Variants in INTS2 observed in about 807,000 individuals in gnomAD.
INTS2 encodes KIAA1287.
Under a neutral mutation model 139.6 loss-of-function variants are expected in INTS2, and 57 were observed. The observed-to-expected ratio is 0.41, with a 90% CI of 0.33 to 0.51. INTS2 has a LOEUF of 0.51. Among genes scored for constraint, INTS2 ranks in the 20% least tolerant of loss-of-function variants. The probability of loss-of-function intolerance (pLI) is 0.28; values close to 1 mark genes in which losing one functional copy is unlikely to be tolerated. For missense variants in INTS2, 1,196 were observed against 1,436.7 expected (o/e 0.83, Z 2.71); for synonymous variants, 473 against 493.4 (o/e 0.96, Z 0.55).
chr17:61,888,199 T>C (rs148009651), intron 15 of INTS2, among the ~76,000 whole-genome samples: 3 of 151,938 alleles, frequency 2.0e-5, no homozygotes, highest in African/African-American at 7.2e-5. Flanking sequence ...GCAAATCCCA[T>C]CTCTACAAAA....
At chr17:61,918,365 C>A (rs1257899033) in intron 5 of INTS2, among the ~76,000 whole-genome samples, 1 of 152,164 alleles carries the variant, frequency 6.6e-6, no homozygotes, top group African/African-American at 2.4e-5. Flanking sequence ...TCTCAGCCTC[C>A]TGAGTAGCTG....
chr17:61,880,072 C>G (rs1252871329), intron 17 of INTS2, among the ~76,000 whole-genome samples: 1 of 152,076 alleles, frequency 6.6e-6, no homozygotes, highest in African/African-American at 2.4e-5. Context: ...GACATGGAGT[C>G]TCGCTTTGTC....
In INTS2 at chr17:61,915,546, C is replaced by T. The variant is rs181509402; in HGVS notation, c.650-3476G>A. On this transcript the variant is annotated intron_variant, in intron 5 of 24. Coordinates refer to ENST00000251334, the MANE Select transcript of INTS2 (RefSeq NM_001351695.2). Reference sequence around the variant, plus strand: ...GTTTCAAAAAAAAAAAGTCCGGGCGCGGTGGCTCACGCCTGCAATCCCAGC... The same window carrying T: ...GTTTCAAAAAAAAAAAGTCCGGGCGTGGTGGCTCACGCCTGCAATCCCAGC... Among the ~76,000 whole-genome samples, 18 of 146,998 alleles carry T rather than the reference C, an allele frequency of 1.2e-4. No individual in the cohort carries two copies. The East Asian group carries it at 2.6e-3, about 21-fold the overall frequency.
At chr17:61,878,824 C>T (rs952185856) in intron 17 of INTS2, among the ~76,000 whole-genome samples, 50 of 145,286 alleles carry the variant, frequency 3.4e-4, no homozygotes, top group African/African-American at 1.1e-3. Flanking sequence ...CCTGTAATAC[C>T]AGGTACTCGA....
rs72843756 is a variant in INTS2, at chr17:61,900,323, C to T, written c.1308-2584G>A. Among the ~76,000 whole-genome samples the T allele has an allele frequency of 8.6e-3, 1,304 of 152,316 alleles. 9 individuals carry two copies. The highest frequency in any genetic ancestry group is 0.012 in the South Asian group (60 of 4,828). On this transcript the variant is annotated intron_variant, in intron 9 of 24. Transcript: ENST00000251334. ...TAAGTAGTAGACCTCCAAATCACCT[C>T]CTGCATTCTGCACAACTAGAAGAAT...
chr17:61,922,509 A>ATATATAT (rs2079654159), intron 3 of INTS2, among the ~76,000 whole-genome samples: 1 of 49,066 alleles, frequency 2.0e-5, no homozygotes, highest in African/African-American at 6.4e-5. Flanking sequence ...AAAACAAACA[A>ATATATAT]ACATATATAT....
At position 61,909,816 on chromosome 17, in the gene INTS2, T is replaced by TATATAC. The variant is rs796256471; in HGVS notation, c.954+1703_954+1704insGTATAT. Among the ~76,000 whole-genome samples the TATATAC allele has an allele frequency of 0.2, 19,980 of 98,274 alleles. 1,738 individuals carry two copies. Among genetic ancestry groups the TATATAC allele is most frequent in the East Asian group, 0.56 (2,486 of 4,428 alleles). The allele number at this position is 98,274 out of a possible 152,430, so 64.5% of individuals were successfully genotyped here. ...ATACATATATACGTGTGTGTGTACA[T>TATATAC]GTGTGTATGTGTGTGTGTGTGTGTG... On this transcript the variant is annotated intron_variant, in intron 7 of 24. Transcript: ENST00000251334. This position sits in a 1 kb window ranked among gnomAD's most constrained non-coding sequence, Gnocchi z 4.9.
chr17:61,876,435 G>A lies in INTS2; in HGVS notation c.2457-1397C>T, dbSNP rs1603372757. Among the ~76,000 whole-genome samples the A allele has an allele frequency of 6.6e-6, 1 of 150,822 alleles. No homozygotes were observed. Among genetic ancestry groups the A allele is most frequent in the East Asian group, 1.9e-4 (1 of 5,174 alleles). Reference sequence around the variant, plus strand: ...ACATGAAGACAGAAAGCTCTGAAAGGAATGTCTCCAAGAAAAAAAAAATAG... The same window carrying A: ...ACATGAAGACAGAAAGCTCTGAAAGAAATGTCTCCAAGAAAAAAAAAATAG... On this transcript the variant is annotated intron_variant, in intron 18 of 24. Transcript: ENST00000251334. The surrounding 1 kb of genome is among the most constrained non-coding windows in gnomAD (Gnocchi z 4.1).
At chr17:61,919,664 C>T (rs560161654) in intron 4 of INTS2, among the ~76,000 whole-genome samples, 151 bp from the exon 5 acceptor site, 1 of 152,318 alleles carries the variant, frequency 6.6e-6, no homozygotes, top group South Asian at 2.1e-4. Flanking sequence ...CCAGCCTCAG[C>T]CTCCCAAAGT....
At chr17:61,916,197 G>A (rs934337981) in intron 5 of INTS2, among the ~76,000 whole-genome samples, 1 of 152,122 alleles carries the variant, frequency 6.6e-6, no homozygotes, top group African/African-American at 2.4e-5. Context: ...CACTTTGGTA[G>A]GCTGAGGCGG....
intron 5 of INTS2, among the ~76,000 whole-genome samples, chr17:61,916,167 G>A (rs1389635494): frequency 1.3e-5 from 2 of 152,132 alleles, no homozygotes; most frequent in African/African-American, 4.8e-5. Flanking sequence ...AGGCACGGTG[G>A]CTCACACCTG....
Position 61,911,648 on chromosome 17 carries a change from C to A in INTS2, c.826G>T (p.Asp276Tyr). ...TCACAAGCTTCATTTTTAGTATGAT[C>A]CAATGTCAAAGCCACACCAAGGCCT... ...LPGLGVALTL[D>Y]HTKNEACEDG... The change falls in exon 7 of 25, where the codon GAT becomes TAT. Residue 276 changes from aspartate (D) to tyrosine (Y), a missense_variant. Transcript: ENST00000251334. 1 of 1,613,806 alleles carries A rather than the reference C, an allele frequency of 6.2e-7. No individual in the cohort carries two copies. Among genetic ancestry groups the A allele is most frequent in the Non-Finnish European group, 8.5e-7 (1 of 1,179,804 alleles).
At chr17:61,908,284 G>A (rs577116133) in intron 7 of INTS2, among the ~76,000 whole-genome samples, 40 of 152,228 alleles carry the variant, frequency 2.6e-4, no homozygotes, top group Admixed American at 2.3e-3. Context: ...GTGTGGTGGT[G>A]CATGCCTGTA....
intron 7 of INTS2, chr17:61,911,040 T>C (rs1221561799): frequency 1.3e-5 from 2 of 156,940 alleles, no homozygotes; most frequent in African/African-American, 4.8e-5. Context: ...AGTTTTCATT[T>C]AAAATATGTT....
intron 5 of INTS2, among the ~76,000 whole-genome samples, chr17:61,912,721 GA>G (rs1473639347): frequency 1.3e-5 from 2 of 152,042 alleles, no homozygotes; most frequent in Admixed American, 6.6e-5. Context: ...CAAATGCAAA[GA>G]AAATCATACC....
Position 61,904,544 on chromosome 17 carries a change from G to T in INTS2, c.1223C>A (p.Thr408Lys). 1 of 1,612,104 alleles carries T rather than the reference G, an allele frequency of 6.2e-7. No individual in the cohort carries two copies. The highest frequency in any genetic ancestry group is 8.5e-7 in the Non-Finnish European group (1 of 1,178,782). Residue 408 changes from threonine to lysine, a missense_variant, in exon 9 of 25, where the codon ACG becomes AAG. Thr to Lys is a moderately conservative substitution (Grantham distance 78). Around this residue, in one of 3 missense-constraint regions of INTS2, gnomAD observed 1,129 missense variants for 1,341.9 expected, o/e 0.84. Transcript: ENST00000251334. Reference sequence around the variant, plus strand: ...AGCTGGCGTAGCAGGAGGACGGCTCGTCATCAACTGCAGTAATTGCTCAGC... The same window carrying T: ...AGCTGGCGTAGCAGGAGGACGGCTCTTCATCAACTGCAGTAATTGCTCAGC... Reference protein sequence around the residue: ...EEAEQLLQLMTSRPPATPAGV... With the variant: ...EEAEQLLQLMKSRPPATPAGV...
rs1472675726 is a variant in INTS2, at chr17:61,875,152, A to G, written c.2457-114T>C. The G allele has an allele frequency of 1.4e-6, 1 of 713,696 alleles. No homozygotes were observed. Among genetic ancestry groups the G allele is most frequent in the Non-Finnish European group, 2.1e-6 (1 of 486,106 alleles). 44.2% of individuals were successfully genotyped at this position (713,696 alleles called of 1,614,324 possible). On this transcript the variant is annotated intron_variant, in intron 18 of 24. Transcript: ENST00000251334. This position sits in a 1 kb window ranked among gnomAD's most constrained non-coding sequence, Gnocchi z 4.6. ...TTCAGTAAATAATTAGAAAATACAT[A>G]TGAATGAACTTTGAAAAAATTTAAG...
intron 18 of INTS2, 62 bp downstream of exon 18, chr17:61,877,825 G>C: frequency 7.4e-7 from 1 of 1,350,500 alleles, no homozygotes; most frequent in Middle Eastern, 1.8e-4. Context: ...TTAAATTTAG[G>C]TTATTGTATA....
intron 4 of INTS2, chr17:61,921,154 A>G (rs1251848880): frequency 6.6e-6 from 1 of 152,220 alleles, no homozygotes; most frequent in Non-Finnish European, 1.5e-5. Context: ...ACAAAAAGGT[A>G]CGAAGAAGAA....
Sources: allele counts gnomAD v4.1 joint callset (sites outside exome capture counted in the v4.1 genomes callset), GRCh38; gene constraint gnomAD v4.1.1; regional missense constraint gnomAD v4.1.1; non-coding constraint Gnocchi (gnomAD v3.1); transcripts MANE v1.5; gene names NCBI Gene and HGNC (gene_info 2026-07-23, HGNC 2026-07-21).